Variants in DPP6 observed in about 807,000 individuals in gnomAD.
The protein encoded by DPP6 is dipeptidyl peptidase like 6.
In DPP6, 69 loss-of-function variants were observed where a neutral mutation model predicts 122.6. The ratio of observed to expected loss-of-function variants is 0.56; its 90% CI spans 0.46 to 0.69. DPP6 has a LOEUF of 0.69. DPP6 is among the 30% of genes least tolerant of loss of function. The pLI is 0.00. For missense variants in DPP6, 928 were observed against 1,116.9 expected, an observed-to-expected ratio of 0.83 and a Z score of 2.41; for synonymous variants, 418 against 433.1, an observed-to-expected ratio of 0.97 and a Z score of 0.43.
intron 1 of DPP6, among the ~76,000 whole-genome samples, chr7:154,181,749 C>CTTTTTTT (rs57576340): frequency 3.0e-5 from 4 of 134,912 alleles, no homozygotes; most frequent in African/African-American, 2.8e-5. Flanking sequence ...GCATCTCCCT[C>CTTTTTTT]TTTTTTTTTT....
At chr7:154,118,273 A>C (rs1252213180) in intron 1 of DPP6, among the ~76,000 whole-genome samples, 5 of 150,396 alleles carry the variant, frequency 3.3e-5, no homozygotes, top group Non-Finnish European at 5.9e-5. Flanking sequence ...TGGGACATAC[A>C]TATGAAATAT....
intron 1 of DPP6, among the ~76,000 whole-genome samples, chr7:153,915,144 TGTG>T (rs1262548294): frequency 6.6e-6 from 1 of 152,226 alleles, no homozygotes; most frequent in Non-Finnish European, 1.5e-5. Flanking sequence ...AAGCTTGAGT[TGTG>T]GCCCTATGAT....
At chr7:154,013,610 A>G (rs1411048881) in intron 1 of DPP6, among the ~76,000 whole-genome samples, 3 of 151,772 alleles carry the variant, frequency 2.0e-5, no homozygotes, top group African/African-American at 4.8e-5. Context: ...AAAATACTGT[A>G]ACATTCTTAC....
At position 153,953,405 on chromosome 7, in the gene DPP6, T is replaced by G. The variant is rs548044593; in HGVS notation, c.51+65671T>G. ...AGATCTCCAAGCATTTCTGTAAATT[T>G]TTTCTAAGTAAAAGATGTTTCCTTC... On this transcript the variant is annotated intron_variant, in intron 1 of 25. Transcript: ENST00000404039. Among the ~76,000 whole-genome samples, 13 of 152,282 alleles carry G rather than the reference T, an allele frequency of 8.5e-5. No homozygotes were observed. In the South Asian group the frequency reaches 2.3e-3, roughly 27 times the overall value.
intron 1 of DPP6, among the ~76,000 whole-genome samples, chr7:154,381,079 C>A (rs569932561): frequency 6.6e-6 from 1 of 152,154 alleles, no homozygotes; most frequent in Admixed American, 6.5e-5. Context: ...TGAGGGGGAT[C>A]CTGGTGCTGT....
At chr7:154,305,700 C>T in intron 1 of DPP6, 2 of 1,182,522 alleles carry the variant, frequency 1.7e-6, no homozygotes, top group Non-Finnish European at 2.3e-6. Context: ...GACTGTAGCC[C>T]CCTGAGCCAC....
At chr7:153,752,106 T>C in the DPP6 span, among the ~76,000 whole-genome samples, 57 of 151,906 alleles carry the variant, frequency 3.8e-4, no homozygotes, top group African/African-American at 1.3e-3. Context: ...CTAATCCATG[T>C]GTGGGGCTCG....
intron 1 of DPP6, among the ~76,000 whole-genome samples, chr7:154,395,738 C>CT (rs1027080580): frequency 1.2e-4 from 18 of 151,842 alleles, no homozygotes; most frequent in Middle Eastern, 3.4e-3. Flanking sequence ...ACTTTTCTTT[C>CT]TTTTTTTATT....
At chr7:154,869,413 A>C (rs73728625) in intron 18 of DPP6, among the ~76,000 whole-genome samples, 51 of 152,206 alleles carry the variant, frequency 3.4e-4, no homozygotes, top group Admixed American at 3.3e-3. Context: ...TAGCACGAGA[A>C]TTCAGAGAAG....
intron 1 of DPP6, among the ~76,000 whole-genome samples, chr7:154,016,136 C>A (rs28634612): frequency 6.6e-6 from 1 of 152,060 alleles, no homozygotes; most frequent in African/African-American, 2.4e-5. Context: ...ATGATACCTC[C>A]GCAGTGACGC....
intron 16 of DPP6, among the ~76,000 whole-genome samples, chr7:154,816,981 A>G (rs1799462581): frequency 6.6e-6 from 1 of 152,198 alleles, no homozygotes; most frequent in Non-Finnish European, 1.5e-5. Context: ...GTAAATTTCC[A>G]GCTTTCTTAG....
intron 5 of DPP6, among the ~76,000 whole-genome samples, chr7:154,571,355 C>T (rs1226777117): frequency 6.6e-6 from 1 of 151,962 alleles, no homozygotes; most frequent in Non-Finnish European, 1.5e-5. Context: ...AATACTTTTT[C>T]CTACTAAACT....
chr7:154,011,436 G>A (rs141416874), intron 1 of DPP6, among the ~76,000 whole-genome samples: 4,784 of 152,144 alleles, frequency 0.031, 274 homozygotes, highest in African/African-American at 0.11. Context: ...TGCACAATAG[G>A]CAGTTGAAAT....
chr7:154,453,332 G>C (rs755316578), intron 2 of DPP6, among the ~76,000 whole-genome samples: 2 of 152,078 alleles, frequency 1.3e-5, no homozygotes, highest in Non-Finnish European at 2.9e-5. Flanking sequence ...CCAAGCACAG[G>C]TTATCAGAAC....
chr7:154,794,295 C>A, intron 11 of DPP6, 93 bp downstream of exon 11: 1 of 1,424,190 alleles, frequency 7.0e-7, no homozygotes, highest in Non-Finnish European at 9.3e-7. Flanking sequence ...AGCCCTCGGG[C>A]CTGGGACTTG....
chr7:154,690,976 CAT>C (rs1839900194), intron 7 of DPP6, among the ~76,000 whole-genome samples: 2 of 152,320 alleles, frequency 1.3e-5, no homozygotes, highest in Admixed American at 6.5e-5. Flanking sequence ...GCTGGTAAAA[CAT>C]AGAACATTTC....
rs113679045 is a variant in DPP6 at position 154,728,672 on chromosome 7, A to G, written c.883+785A>G. Reference sequence around the variant, plus strand: ...TTCCACAGACTAGGTAGCTTAAACAATGAATATGTATTTCTCACAGCTCTG... The same window carrying G: ...TTCCACAGACTAGGTAGCTTAAACAGTGAATATGTATTTCTCACAGCTCTG... On this transcript the variant is annotated intron_variant, in intron 8 of 25. Transcript: ENST00000377770. Among the ~76,000 whole-genome samples the G allele has an allele frequency of 7.1e-3, 1,085 of 152,320 alleles. 9 individuals carry two copies. The highest frequency in any genetic ancestry group is 0.024 in the African/African-American group (1,005 of 41,566).
chr7:154,345,891 A>G lies in DPP6; in HGVS notation c.244-100323A>G, dbSNP rs904011916. Among the ~76,000 whole-genome samples the G allele has an allele frequency of 5.3e-5, 8 of 152,298 alleles. 1 individual carries two copies. The South Asian group carries it at 1.7e-3, about 32-fold the overall frequency. On this transcript the variant is annotated intron_variant, in intron 1 of 25. Transcript: ENST00000377770. ...GCCCTGCTGCTCCCTCGTTCCATCC[A>G]TCATTTCTTCGCATGCAAAGTACCT...
At chr7:153,924,907 T>TA (rs1800819410) in intron 1 of DPP6, among the ~76,000 whole-genome samples, 1 of 152,116 alleles carries the variant, frequency 6.6e-6, no homozygotes, top group African/African-American at 2.4e-5. Context: ...ATGGTTTCTG[T>TA]AAGCTTGTTG....
Sources: allele counts gnomAD v4.1 joint callset (sites outside exome capture counted in the v4.1 genomes callset), GRCh38; gene constraint gnomAD v4.1.1; transcripts MANE v1.5; gene names NCBI Gene and HGNC (gene_info 2026-07-23, HGNC 2026-07-21).